CSMD2: variants seen among roughly 807,000 people sequenced by gnomAD.
CSMD2 encodes CUB and Sushi multiple domains 2.
CSMD2 carries 130 observed loss-of-function variants against 398.5 expected under a neutral mutation model. The ratio of observed to expected loss-of-function variants is 0.33; its 90% CI spans 0.28 to 0.38. The LOEUF (loss-of-function observed/expected upper bound fraction) is 0.38. Among genes scored for constraint, CSMD2 ranks in the 10% least tolerant of loss-of-function variants. The pLI is 1.00. For missense variants in CSMD2, 3,829 were observed against 4,764.9 expected, an observed-to-expected ratio of 0.80 and a Z score of 5.78; for synonymous variants, 1,828 against 1,908.5, an observed-to-expected ratio of 0.96 and a Z score of 1.10.
chr1:33,578,162 A>G (rs2148716243), intron 48 of CSMD2, among the ~76,000 whole-genome samples: 1 of 152,314 alleles, frequency 6.6e-6, no homozygotes, highest in African/African-American at 2.4e-5. Flanking sequence ...ACATTTCCCT[A>G]CAGTGCTCAT....
At chr1:33,621,779 G>A (rs980661738) in intron 37 of CSMD2, among the ~76,000 whole-genome samples, 1 of 152,196 alleles carries the variant, frequency 6.6e-6, no homozygotes, top group African/African-American at 2.4e-5. Context: ...GATGAGTGAG[G>A]TAGCCAATGA....
intron 1 of CSMD2, among the ~76,000 whole-genome samples, chr1:34,097,976 T>C (rs76352110): frequency 8.4e-4 from 110 of 130,552 alleles, no homozygotes; most frequent in South Asian, 1.3e-3. Flanking sequence ...ATGTTTATTG[T>C]GGCATTATTC....
intron 58 of CSMD2, among the ~76,000 whole-genome samples, chr1:33,542,319 T>C (rs560580786): frequency 5.9e-5 from 9 of 152,250 alleles, no homozygotes; most frequent in Admixed American, 3.3e-4. Flanking sequence ...AGCTGCATCT[T>C]TGAAGTGAAA....
intron 4 of CSMD2, among the ~76,000 whole-genome samples, chr1:33,922,818 G>T (rs1410821419): frequency 6.6e-6 from 1 of 152,066 alleles, no homozygotes; most frequent in East Asian, 1.9e-4. Context: ...TGTACCCCAA[G>T]CCATGTCACA....
At chr1:34,140,741 T>C (rs1639215095) in intron 1 of CSMD2, among the ~76,000 whole-genome samples, 1 of 152,182 alleles carries the variant, frequency 6.6e-6, no homozygotes, top group Non-Finnish European at 1.5e-5. Flanking sequence ...CTCCAATCTA[T>C]GCCTCTGAGA....
chr1:33,600,931 T>C lies in CSMD2; in HGVS notation c.6790A>G (p.Asn2264Asp). ...CGGTGGAACTTGAGCAGGACCTGGT[T>C]GGATGAACTCTGCACTGTTTTCTTG... ...MAKKTVQSSS[N>D]QVLLKFHRDA... Residue 2264 changes from asparagine (N) to aspartate (D), a missense_variant, in exon 44 of 71, where the codon AAC becomes GAC. Transcript: ENST00000373381. 4.3e-6 allele frequency: 7 copies of C among 1,614,098 alleles called. No homozygotes were observed. The highest frequency in any genetic ancestry group is 5.9e-6 in the Non-Finnish European group (7 of 1,180,006).
At chr1:33,606,136 C>T (rs1640590665) in intron 41 of CSMD2, 1 of 1,263,922 alleles carries the variant, frequency 7.9e-7, no homozygotes. Flanking sequence ...ATGGAAGCAG[C>T]TGAGGCCAGT....
chr1:33,847,972 C>G lies in CSMD2; in HGVS notation c.921-976G>C, dbSNP rs138376289. On this transcript the variant is annotated intron_variant, in intron 5 of 70. Coordinates refer to ENST00000373381, the MANE Select transcript of CSMD2 (RefSeq NM_001281956.2). Reference sequence around the variant, plus strand: ...TTGATTTCCAGCTTCTAACACCATACTGGACACAAAGTAGGCATTTCAGGG... The same window carrying G: ...TTGATTTCCAGCTTCTAACACCATAGTGGACACAAAGTAGGCATTTCAGGG... Among the ~76,000 whole-genome samples the G allele has an allele frequency of 4.8e-3, 725 of 152,320 alleles. 5 individuals carry two copies. The highest frequency in any genetic ancestry group is 0.016 in the African/African-American group (678 of 41,564).
chr1:33,887,913 A>T (rs1005076171), intron 5 of CSMD2, among the ~76,000 whole-genome samples: 29 of 152,162 alleles, frequency 1.9e-4, no homozygotes, highest in Non-Finnish European at 3.5e-4. Flanking sequence ...GTTCAGTAAG[A>T]TGGCTGGTTA....
chr1:33,927,170 A>T (rs1570531138), intron 4 of CSMD2, among the ~76,000 whole-genome samples: 2 of 152,286 alleles, frequency 1.3e-5, no homozygotes. Flanking sequence ...CTTGTGGTGA[A>T]TGGTTTCGTG....
At position 33,624,777 on chromosome 1, in the gene CSMD2, C is replaced by A; in HGVS notation, c.5501-134G>T. 8.2e-7 allele frequency: 1 copy of A among 1,221,274 alleles called. No individual in the cohort carries two copies. Among genetic ancestry groups the A allele is most frequent in the South Asian group, 1.5e-5 (1 of 66,000 alleles). 75.7% of individuals were successfully genotyped at this position (1,221,274 alleles called of 1,614,324 possible). The stretch of plus-strand genomic sequence containing the variant: ...GGGGTGTCTCCCTAATGTCCCCAGT[C>A]CTGCCTTCTCCACGGCCTCTCCCCA... On this transcript the variant is annotated intron_variant, in intron 34 of 70. Transcript: ENST00000373381. This position sits in a 1 kb window ranked among gnomAD's most constrained non-coding sequence, Gnocchi z 4.7.
At chr1:33,911,385 C>T (rs1164994973) in intron 5 of CSMD2, among the ~76,000 whole-genome samples, 3 of 152,152 alleles carry the variant, frequency 2.0e-5, no homozygotes, top group Non-Finnish European at 2.9e-5. Flanking sequence ...TCTAGTTAAA[C>T]GTCACTGAGA....
At chr1:34,034,284 G>C (rs987942207) in intron 2 of CSMD2, among the ~76,000 whole-genome samples, 1 of 152,020 alleles carries the variant, frequency 6.6e-6, no homozygotes, top group African/African-American at 2.4e-5. Flanking sequence ...CTAGGTAAAT[G>C]ATCAATCGCG....
intron 37 of CSMD2, among the ~76,000 whole-genome samples, chr1:33,618,385 G>A (rs1382898494): frequency 6.6e-6 from 1 of 151,992 alleles, no homozygotes; most frequent in Non-Finnish European, 1.5e-5. Flanking sequence ...TGAATTGTGG[G>A]ACCTCCTTGC....
At chr1:34,062,503 CAG>C (rs1411942956) in intron 2 of CSMD2, among the ~76,000 whole-genome samples, 3 of 152,072 alleles carry the variant, frequency 2.0e-5, no homozygotes, top group Admixed American at 1.3e-4. Context: ...GCAGTGAAGA[CAG>C]GGGGTACAGG....
chr1:34,089,152 C>G lies in CSMD2; in HGVS notation c.229G>C (p.Val77Leu), dbSNP rs371136084. The G allele has an allele frequency of 6.2e-7, 1 of 1,614,204 alleles. No homozygotes were observed. Among genetic ancestry groups the G allele is most frequent in the South Asian group, 1.1e-5 (1 of 91,074 alleles). The change falls in exon 2 of 71, where the codon GTT (valine) becomes CTT (leucine). Residue 77 changes from valine to leucine, a missense_variant. Physicochemically the swap from Val to Leu is conservative, Grantham distance 32. Around this residue, in one of 5 missense-constraint regions of CSMD2, gnomAD observed 184 missense variants for 217.7 expected, o/e 0.85. Transcript: ENST00000373381. ...CCATATGGGAACCCTGGGCTCTCAACTGTCCCATTGGGACCGTGCAGTTGG... is the reference window on the plus strand; with the variant it reads ...CCATATGGGAACCCTGGGCTCTCAAGTGTCCCATTGGGACCGTGCAGTTGG... ...TFQLHGPNGT[V>L]ESPGFPYGYP...
Position 34,089,200 on chromosome 1 carries a change from AAG to A in CSMD2, c.188-9_188-8del. ...TGGAACGTGCAGTTCTGGCCTGGGA[AAG>A]AGAAATGGAGCAGTTCAGAATAGCC... On this transcript the variant is annotated splice_region_variant and splice_polypyrimidine_tract_variant and intron_variant, in intron 1 of 70. Transcript: ENST00000373381. The A allele has an allele frequency of 6.2e-7, 1 of 1,613,404 alleles. No homozygotes were observed. The highest frequency in any genetic ancestry group is 8.5e-7 in the Non-Finnish European group (1 of 1,179,472).
chr1:33,798,829 T>C (rs1407426368), intron 10 of CSMD2, among the ~76,000 whole-genome samples: 1 of 151,996 alleles, frequency 6.6e-6, no homozygotes, highest in Non-Finnish European at 1.5e-5. Flanking sequence ...TGGAGAACAT[T>C]CTCCCCTTGC....
intron 5 of CSMD2, among the ~76,000 whole-genome samples, chr1:33,907,900 A>G (rs904584969): frequency 6.6e-6 from 1 of 152,066 alleles, no homozygotes; most frequent in Non-Finnish European, 1.5e-5. Flanking sequence ...CAACCTGACC[A>G]ATATGGTGAA....
Sources: allele counts gnomAD v4.1 joint callset (sites outside exome capture counted in the v4.1 genomes callset), GRCh38; gene constraint gnomAD v4.1.1; regional missense constraint gnomAD v4.1.1; non-coding constraint Gnocchi (gnomAD v3.1); transcripts MANE v1.5; gene names NCBI Gene and HGNC (gene_info 2026-07-23, HGNC 2026-07-21).